The following POU6F2 variants were observed in gnomAD, a reference collection of about 807,000 sequenced individuals.
POU6F2 encodes POU class 6 homeobox 2.
In POU6F2, 31 loss-of-function variants were observed where a neutral mutation model predicts 71.3. That is an observed-to-expected ratio of 0.43 (90% CI 0.33 to 0.59). The LOEUF (loss-of-function observed/expected upper bound fraction) is 0.59. POU6F2 is among the 20% of genes least tolerant of loss of function. The pLI is 0.04. For missense variants in POU6F2, 783 were observed against 856.8 expected (o/e 0.91, Z 1.07); for synonymous variants, 347 against 355.7 (o/e 0.98, Z 0.27).
chr7:39,112,003 G>A (rs34428849), intron 2 of POU6F2, among the ~76,000 whole-genome samples: 1 of 152,232 alleles, frequency 6.6e-6, no homozygotes, highest in East Asian at 1.9e-4. Flanking sequence ...ATTAAATGTG[G>A]CCTGTTGAGA....
chr7:39,109,685 T>A (rs968023114), intron 2 of POU6F2, among the ~76,000 whole-genome samples: 2 of 152,234 alleles, frequency 1.3e-5, no homozygotes, highest in Admixed American at 1.3e-4. Context: ...ATATTAGAGC[T>A]GTATGTCTGG....
intron 2 of POU6F2, among the ~76,000 whole-genome samples, chr7:39,158,052 A>G (rs939063972): frequency 6.6e-6 from 1 of 152,182 alleles, no homozygotes; most frequent in Non-Finnish European, 1.5e-5. Context: ...TATTTTTTCC[A>G]ACTTCAGCAA....
chr7:39,285,983 T>G (rs564178714), intron 4 of POU6F2, among the ~76,000 whole-genome samples: 1 of 152,320 alleles, frequency 6.6e-6, no homozygotes, highest in East Asian at 1.9e-4. Context: ...TGCTGATTGA[T>G]GGAGTGAATT....
At position 39,179,550 on chromosome 7, in the gene POU6F2, C is replaced by CACAT. The variant is rs1491155442; in HGVS notation, c.278-24685_278-24684insACAT. ...ACATGCGCGCACACACACACACACACGCACACAGTCTACAGAACTGATCTT... is the reference window on the plus strand; with the variant it reads ...ACATGCGCGCACACACACACACACACACATGCACACAGTCTACAGAACTGATCTT... On this transcript the variant is annotated intron_variant, in intron 2 of 9. Coordinates refer to ENST00000518318, the MANE Select transcript of POU6F2 (RefSeq NM_001370959.1). Among the ~76,000 whole-genome samples the CACAT allele has an allele frequency of 1.1e-3, 167 of 152,278 alleles. 1 individual carries two copies. In the South Asian group the frequency reaches 0.032, roughly 29 times the overall value.
At chr7:39,247,451 A>T (rs1783841422) in intron 4 of POU6F2, among the ~76,000 whole-genome samples, 1 of 151,626 alleles carries the variant, frequency 6.6e-6, no homozygotes, top group Admixed American at 6.6e-5. Flanking sequence ...ACTCTGTCTC[A>T]AAGAAAAAAG....
At chr7:39,228,326 G>A (rs1049110373) in intron 4 of POU6F2, among the ~76,000 whole-genome samples, 1 of 152,076 alleles carries the variant, frequency 6.6e-6, no homozygotes, top group East Asian at 1.9e-4. Context: ...GTTTTTGTAG[G>A]CAGAGGATGG....
Position 39,433,202 on chromosome 7 carries a change from C to A in POU6F2, c.1239C>A (p.Ile413=), listed in dbSNP as rs753420858. 6.2e-7 allele frequency: 1 copy of A among 1,613,888 alleles called. No individual in the cohort carries two copies. Among genetic ancestry groups the A allele is most frequent in the Non-Finnish European group, 8.5e-7 (1 of 1,179,878 alleles). The change falls in exon 7 of 10, where the codon ATC becomes ATA. Residue 413 remains isoleucine (I), a synonymous_variant. Coordinates refer to ENST00000518318, the MANE Select transcript of POU6F2 (RefSeq NM_001370959.1). ...TCACAAACGCCCAGGGCCAGATCAT[C>A]GCCACAGTCATTGGGAACCAGATCC... is the stretch of plus-strand genomic sequence containing the variant. ...QLLTNAQGQI[I]ATVIGNQILP... is the part of the protein sequence containing the mutation.
chr7:39,436,096 G>A (rs1788235479), intron 7 of POU6F2, among the ~76,000 whole-genome samples: 1 of 152,080 alleles, frequency 6.6e-6, no homozygotes, highest in Admixed American at 6.6e-5. Flanking sequence ...GGATTGTCTT[G>A]GCTATATGGG....
intron 2 of POU6F2, among the ~76,000 whole-genome samples, chr7:39,165,169 C>T (rs1356668455): frequency 1.3e-5 from 2 of 152,124 alleles, no homozygotes; most frequent in African/African-American, 4.8e-5. Context: ...ATCTAATGCC[C>T]TTGATTAAAA....
intron 2 of POU6F2, among the ~76,000 whole-genome samples, chr7:39,202,441 T>G (rs1793923410): frequency 6.6e-6 from 1 of 152,234 alleles, no homozygotes; most frequent in Admixed American, 6.5e-5. Context: ...CTGGCAAGTA[T>G]GGGAAAACAA....
At chr7:39,361,989 T>G (rs1188266943) in intron 5 of POU6F2, among the ~76,000 whole-genome samples, 1 of 152,220 alleles carries the variant, frequency 6.6e-6, no homozygotes, top group African/African-American at 2.4e-5. Context: ...CCCAGCCACA[T>G]AGGACAGTGC....
chr7:39,005,762 C>A (rs1489986008), intron 1 of POU6F2, among the ~76,000 whole-genome samples: 1 of 151,972 alleles, frequency 6.6e-6, no homozygotes, highest in Non-Finnish European at 1.5e-5. Context: ...CTTTCCTAGA[C>A]AAATAATTCA....
intron 5 of POU6F2, among the ~76,000 whole-genome samples, chr7:39,379,172 A>C (rs958303591): frequency 6.6e-6 from 1 of 152,090 alleles, no homozygotes; most frequent in East Asian, 1.9e-4. Context: ...GAACAAGCTG[A>C]GTTTTAGGTG....
At chr7:39,093,949 G>A (rs1791404092) in intron 2 of POU6F2, among the ~76,000 whole-genome samples, 8 of 152,020 alleles carry the variant, frequency 5.3e-5, no homozygotes. Flanking sequence ...TCTGTAGTAT[G>A]TATGTATTTT....
intron 4 of POU6F2, among the ~76,000 whole-genome samples, chr7:39,291,423 A>G (rs568591689): frequency 4.6e-5 from 7 of 152,368 alleles, no homozygotes; most frequent in African/African-American, 1.4e-4. Flanking sequence ...TGGCTTCCAG[A>G]TATTACATCT....
chr7:39,262,550 CCTT>C (rs777445111), intron 4 of POU6F2, among the ~76,000 whole-genome samples: 4 of 152,088 alleles, frequency 2.6e-5, no homozygotes, highest in African/African-American at 7.2e-5. Flanking sequence ...ATTTTGTGCT[CCTT>C]CTTTTTATAA....
chr7:39,155,134 C>A (rs1792843761), intron 2 of POU6F2, among the ~76,000 whole-genome samples: 1 of 151,464 alleles, frequency 6.6e-6, no homozygotes, highest in Non-Finnish European at 1.5e-5. Flanking sequence ...CATATCCAAG[C>A]AGGCAAAACA....
intron 2 of POU6F2, among the ~76,000 whole-genome samples, chr7:39,101,781 T>C (rs1375358037): frequency 1.3e-5 from 2 of 152,206 alleles, no homozygotes; most frequent in African/African-American, 4.8e-5. Context: ...ATTTGCTTGA[T>C]TTAATCATTC....
intron 5 of POU6F2, among the ~76,000 whole-genome samples, chr7:39,392,018 G>A (rs965182322): frequency 4.6e-5 from 7 of 152,302 alleles, no homozygotes; most frequent in Non-Finnish European, 1.0e-4. Context: ...AGTTGTTTTA[G>A]AAACTTGCTA....
Sources: allele counts gnomAD v4.1 joint callset (sites outside exome capture counted in the v4.1 genomes callset), GRCh38; gene constraint gnomAD v4.1.1; transcripts MANE v1.5; gene names NCBI Gene and HGNC (gene_info 2026-07-23, HGNC 2026-07-21).